The following PSME4 variants were observed in gnomAD, a reference collection of about 807,000 sequenced individuals.
PSME4 encodes the protein proteasome activator subunit 4.
PSME4 carries 89 observed loss-of-function variants against 253.9 expected under a neutral mutation model. The observed-to-expected ratio is 0.35, with a 90% CI of 0.30 to 0.42. PSME4 has a LOEUF of 0.42. Among genes scored for constraint, PSME4 ranks in the 10% least tolerant of loss-of-function variants. PSME4 has a pLI of 1.00. For missense variants in PSME4, 2,014 were observed against 2,195.2 expected (o/e 0.92, Z 1.65); for synonymous variants, 851 against 759.2 (o/e 1.12, Z -1.99).
At position 53,932,055 on chromosome 2, in the gene PSME4, TAAC is replaced by T. The variant is rs1558696455; in HGVS notation, c.1093_1095del (p.Val365del). On this transcript the variant is annotated inframe_deletion, in exon 10 of 47. Transcript: ENST00000404125. ...TTGTATCTTTCACGATGCAATCTTC[TAAC>T]AACACTGTTTGGCAACCGCTGAAGT... 6.2e-7 allele frequency: 1 copy of T among 1,614,094 alleles called. No individual in the cohort carries two copies. Among genetic ancestry groups the T allele is most frequent in the Non-Finnish European group, 8.5e-7 (1 of 1,179,918 alleles).
intron 24 of PSME4, among the ~76,000 whole-genome samples, chr2:53,907,203 G>C (rs971840194): frequency 2.0e-5 from 3 of 152,120 alleles, no homozygotes; most frequent in Non-Finnish European, 4.4e-5. Flanking sequence ...TAAGACAATT[G>C]CTCAACTCTC....
rs1351550504 is a variant in PSME4, at chr2:53,932,095, C to T, written c.1056G>A (p.Lys352=). The change falls in exon 10 of 47, where the codon AAG becomes AAA. Residue 352 remains lysine (K), a synonymous_variant. Transcript: ENST00000404125. The part of the protein sequence containing the change: ...HPSNNGRWLN[K]LMKLLQRLPN... ...GCAACCGCTGAAGTAGTTTCATTAACTTGTTCTGGGGACACAGAAGCAAAA... is the reference window on the plus strand; with the variant it reads ...GCAACCGCTGAAGTAGTTTCATTAATTTGTTCTGGGGACACAGAAGCAAAA... 6.2e-7 allele frequency: 1 copy of T among 1,613,436 alleles called. No homozygotes were observed. Among genetic ancestry groups the T allele is most frequent in the Non-Finnish European group, 8.5e-7 (1 of 1,179,602 alleles).
intron 1 of PSME4, among the ~76,000 whole-genome samples, chr2:53,965,310 G>A (rs1019468869): frequency 1.0e-4 from 15 of 150,382 alleles, no homozygotes; most frequent in Non-Finnish European, 1.6e-4. Context: ...GTGCAGTGGC[G>A]CCATCTCGGC....
chr2:53,886,260 T>A (rs1026252919), intron 40 of PSME4, among the ~76,000 whole-genome samples: 1 of 152,234 alleles, frequency 6.6e-6, no homozygotes, highest in Non-Finnish European at 1.5e-5. Flanking sequence ...TATTTAAAAA[T>A]TAGCTGGGTG....
At position 53,948,416 on chromosome 2, in the gene PSME4, C is replaced by T. The variant is rs1216752423; in HGVS notation, c.500+5G>A. On this transcript the variant is annotated splice_donor_5th_base_variant and intron_variant, in intron 3 of 46. Transcript: ENST00000404125. ...CAAATAAGTGCTTTAAATGGAAATA[C>T]TTACTTAGGAAACCAATTTAATCCT... 16 of 1,575,654 alleles carry T rather than the reference C, an allele frequency of 1.0e-5. No individual in the cohort carries two copies. Among genetic ancestry groups the T allele is most frequent in the Non-Finnish European group, 1.4e-5 (16 of 1,146,048 alleles).
rs1179900880 is a variant in PSME4, at chr2:53,866,086, T to G, written c.*3A>C. The G allele has an allele frequency of 1.9e-6, 3 of 1,608,750 alleles. No homozygotes were observed. The highest frequency in any genetic ancestry group is 2.2e-5 in the East Asian group (1 of 44,716). On this transcript the variant is annotated splice_region_variant and 3_prime_UTR_variant, in exon 46 of 47. Transcript: ENST00000404125. ...AAATTCAGAACTTTGCTGACTTACC[T>G]TTCTATGCATAATAGCATGGTGACA...
At chr2:53,890,752 G>C (rs1290480342) in intron 36 of PSME4, among the ~76,000 whole-genome samples, 1 of 152,144 alleles carries the variant, frequency 6.6e-6, no homozygotes, top group African/African-American at 2.4e-5. Flanking sequence ...TCTTGGCTGG[G>C]TGCAGTGGCT....
Position 53,936,779 on chromosome 2 carries a change from G to C in PSME4, c.744C>G (p.Leu248=). 2 of 1,593,670 alleles carry C rather than the reference G, an allele frequency of 1.3e-6. No homozygotes were observed. The highest frequency in any genetic ancestry group is 1.7e-6 in the Non-Finnish European group (2 of 1,170,484). ...LIGLWVSVQN[L]PQWEGQLVNL... ...GGATACTTACCCCCTCCCATTGTGG[G>C]AGATTTTGCACTGAAACCCAAAGGC... is the stretch of plus-strand genomic sequence containing the variant. The change falls in exon 6 of 47, where the codon CTC becomes CTG. Residue 248 remains leucine, a synonymous_variant. Coordinates refer to ENST00000404125, the MANE Select transcript of PSME4 (RefSeq NM_014614.3).
intron 8 of PSME4, among the ~76,000 whole-genome samples, chr2:53,934,302 A>G (rs989655568): frequency 5.9e-5 from 9 of 152,190 alleles, no homozygotes; most frequent in Admixed American, 2.0e-4. Context: ...TTGTAATCCT[A>G]CCTTGGGAAA....
chr2:53,916,061 G>C (rs1187033354), intron 20 of PSME4, among the ~76,000 whole-genome samples: 1 of 151,816 alleles, frequency 6.6e-6, no homozygotes, highest in Non-Finnish European at 1.5e-5. Flanking sequence ...GGTGACAAAA[G>C]CAAAACTCCA....
chr2:53,874,280 G>C, intron 43 of PSME4, 59 bp downstream of exon 43: 2 of 1,506,756 alleles, frequency 1.3e-6, no homozygotes, highest in Non-Finnish European at 1.8e-6. Flanking sequence ...ATTAAAAAGG[G>C]AACCATGATG....
intron 1 of PSME4, 31 bp downstream of exon 1, chr2:53,970,512 C>A (rs2104498632): frequency 6.5e-7 from 1 of 1,547,756 alleles, no homozygotes; most frequent in East Asian, 2.4e-5. Context: ...CCTTTCCCCC[C>A]GGCCCGGCCC....
chr2:53,967,648 T>TAAAAAAAAA (rs1461977547), intron 1 of PSME4, among the ~76,000 whole-genome samples: 1 of 8,764 alleles, frequency 1.1e-4, no homozygotes, highest in African/African-American at 4.2e-4. Flanking sequence ...TGAGATTGTC[T>TAAAAAAAAA]CAAAAAAAAA....
At position 53,885,730 on chromosome 2, in the gene PSME4, G is replaced by C. The variant is rs1181523564; in HGVS notation, c.4775C>G (p.Ala1592Gly). 3.1e-6 allele frequency: 5 copies of C among 1,613,266 alleles called. No homozygotes were observed. The highest frequency in any genetic ancestry group is 8.5e-7 in the Non-Finnish European group (1 of 1,179,416). Residue 1592 changes from alanine (A) to glycine (G), a missense_variant, in exon 41 of 47, where the codon GCA becomes GGA. Around this residue, in one of 4 missense-constraint regions of PSME4, gnomAD observed 403 missense variants for 556.1 expected, o/e 0.72. Transcript: ENST00000404125. ...MASAGRSFST[A>G]VTEQLQLLPL... The stretch of plus-strand genomic sequence containing the variant: ...TAGAAGCTGAAGTTGTTCTGTAACT[G>C]CTGTAGAAAAGGATCTTCCTGCACT...
intron 26 of PSME4, 72 bp downstream of exon 26, chr2:53,906,526 A>G (rs757075056): frequency 1.4e-5 from 20 of 1,420,212 alleles, no homozygotes; most frequent in Non-Finnish European, 1.6e-5. Flanking sequence ...CTCTCTTCTT[A>G]AAAGGGGGAT....
At chr2:53,930,622 T>C (rs1215540059) in intron 10 of PSME4, among the ~76,000 whole-genome samples, 1 of 152,232 alleles carries the variant, frequency 6.6e-6, no homozygotes, top group Non-Finnish European at 1.5e-5. Context: ...TGAATATTTA[T>C]GGCAATGAGG....
chr2:53,877,691 T>C (rs1014851020), intron 41 of PSME4, among the ~76,000 whole-genome samples: 2 of 152,122 alleles, frequency 1.3e-5, no homozygotes, highest in Non-Finnish European at 2.9e-5. Flanking sequence ...TTGCTAAAAC[T>C]GGACCAAAGA....
At position 53,893,817 on chromosome 2, in the gene PSME4, GAAC is replaced by G; in HGVS notation, c.3913-21_3913-19del. Reference sequence around the variant, plus strand: ...TGTTCTGCCTATAAAGTTAAAAAAAGAACAATATTCAGCGTTTAAAATCCACTT... The same window carrying G: ...TGTTCTGCCTATAAAGTTAAAAAAAGAATATTCAGCGTTTAAAATCCACTT... On this transcript the variant is annotated intron_variant, in intron 34 of 46. Transcript: ENST00000404125. The G allele has an allele frequency of 6.4e-7, 1 of 1,570,494 alleles. No individual in the cohort carries two copies. The highest frequency in any genetic ancestry group is 8.6e-7 in the Non-Finnish European group (1 of 1,164,492).
intron 1 of PSME4, among the ~76,000 whole-genome samples, chr2:53,966,187 G>A (rs1241608566): frequency 1.3e-5 from 2 of 152,134 alleles, no homozygotes; most frequent in South Asian, 4.2e-4. Context: ...TGGAGGCAGA[G>A]ACATGAGGGT....
Sources: gnomAD v4.1 joint callset for allele counts (sites outside exome capture counted in the v4.1 genomes callset) on GRCh38, gnomAD v4.1.1 for gene constraint, gnomAD v4.1.1 regional missense constraint, MANE v1.5 for transcripts, NCBI Gene and HGNC (gene_info 2026-07-23, HGNC 2026-07-21) for gene names.